The following PEX2 variants were observed in gnomAD, a reference collection of about 807,000 sequenced individuals.
The protein encoded by PEX2 is peroxisomal biogenesis factor 2.
Under a neutral mutation model 25.2 loss-of-function variants are expected in PEX2, and 19 were observed. The ratio of observed to expected loss-of-function variants is 0.75; its 90% CI spans 0.53 to 1.10. PEX2 has a LOEUF of 1.10. Ranked by LOEUF, PEX2 falls within the 50% of genes least tolerant of loss-of-function variation. The pLI is 0.00. For synonymous variants in PEX2, 141 were observed against 127.7 expected, an observed-to-expected ratio of 1.10 and a Z score of -0.70; for missense variants, 347 against 350.6, an observed-to-expected ratio of 0.99 and a Z score of 0.08.
intron 1 of PEX2, among the ~76,000 whole-genome samples, chr8:76,997,308 C>A (rs958334833): frequency 6.6e-6 from 1 of 152,198 alleles, no homozygotes; most frequent in African/African-American, 2.4e-5. Context: ...CCAACTCATT[C>A]ATCTAACACT....
intron 1 of PEX2, among the ~76,000 whole-genome samples, chr8:76,991,315 T>C (rs1807163752): frequency 6.6e-6 from 1 of 152,138 alleles, no homozygotes; most frequent in African/African-American, 2.4e-5. Context: ...TTAACAATAT[T>C]TATTATCAAA....
In PEX2 at chr8:76,982,099, TA is replaced by T. The variant is rs1806846871; in HGVS notation, c.*1161del. On this transcript the variant is annotated 3_prime_UTR_variant, in exon 4 of 4. Transcript: ENST00000357039. ...AGCAAGATGTTTATTTAAAAACATT[TA>T]AAAACTGTTTTTTAAAAAACATTCT... is the stretch of plus-strand genomic sequence containing the variant. 1 of 152,222 alleles carries T rather than the reference TA, an allele frequency of 6.6e-6. No homozygotes were observed. Among genetic ancestry groups the T allele is most frequent in the Non-Finnish European group, 1.5e-5 (1 of 68,036 alleles). 9.4% of individuals were successfully genotyped at this position (152,222 alleles called of 1,614,324 possible). A position where few individuals can be genotyped will look rare whatever the true frequency, so the allele number is the denominator to read the frequency against.
upstream of PEX2, chr8:77,000,192 G>A: frequency 3.5e-6 from 1 of 284,290 alleles, no homozygotes; most frequent in Non-Finnish European, 7.0e-6. Context: ...CGCTGCTGAA[G>A]GCACTGGATG....
Position 76,982,750 on chromosome 8 carries a change from AGT to A in PEX2, c.*509_*510del, listed in dbSNP as rs1806874755. 6.3e-6 allele frequency: 1 copy of A among 158,186 alleles called. No homozygotes were observed. The highest frequency in any genetic ancestry group is 1.4e-5 in the Non-Finnish European group (1 of 72,396). 9.8% of individuals were successfully genotyped at this position (158,186 alleles called of 1,614,324 possible). On this transcript the variant is annotated 3_prime_UTR_variant, in exon 4 of 4. Transcript: ENST00000357039. Reference sequence around the variant, plus strand: ...CTTGAACCCGGGAGGCGGACGTTGCAGTGAGCAGAGATCGCGCCACTGCACTC... The same window carrying A: ...CTTGAACCCGGGAGGCGGACGTTGCAGAGCAGAGATCGCGCCACTGCACTC...
intron 2 of PEX2, 152 bp downstream of exon 2, chr8:76,988,155 T>C (rs1026569467): frequency 4.6e-5 from 7 of 152,258 alleles, no homozygotes; most frequent in African/African-American, 1.7e-4. Flanking sequence ...CTAACAGATA[T>C]ATGTGTCTAT....
upstream of PEX2, chr8:77,000,787 C>T (rs1385340261): frequency 1.3e-5 from 2 of 152,438 alleles, no homozygotes; most frequent in African/African-American, 2.4e-5. Flanking sequence ...CTCACATCTC[C>T]CCGGTAACGC....
At chr8:76,989,239 AG>A (rs1807094018) in intron 1 of PEX2, among the ~76,000 whole-genome samples, 1 of 151,830 alleles carries the variant, frequency 6.6e-6, no homozygotes, top group Admixed American at 6.6e-5. Context: ...ATGAGATTGT[AG>A]CAAATCAGTC....
At position 76,983,213 on chromosome 8, in the gene PEX2, A is replaced by T; in HGVS notation, c.*48T>A. ...TATACTTAGGATGACTAATATTAAG[A>T]ATTTAAACACGGTGCATTTTTTTCC... On this transcript the variant is annotated 3_prime_UTR_variant, in exon 4 of 4. Coordinates refer to ENST00000357039, the MANE Select transcript of PEX2 (RefSeq NM_000318.3). 3.1e-6 allele frequency: 5 copies of T among 1,602,858 alleles called. No individual in the cohort carries two copies. Among genetic ancestry groups the T allele is most frequent in the Non-Finnish European group, 3.4e-6 (4 of 1,179,714 alleles).
At chr8:76,986,723 T>A (rs970947008) in intron 2 of PEX2, among the ~76,000 whole-genome samples, 3 of 152,200 alleles carry the variant, frequency 2.0e-5, no homozygotes, top group African/African-American at 4.8e-5. Context: ...GGCTCAGACA[T>A]CACTTCCTGC....
At chr8:76,999,600 C>T (rs1265519241) in intron 1 of PEX2, among the ~76,000 whole-genome samples, 1 of 152,146 alleles carries the variant, frequency 6.6e-6, no homozygotes, top group Non-Finnish European at 1.5e-5. Flanking sequence ...TTTACATGAA[C>T]TTTCAGATAT....
chr8:76,996,082 C>A (rs1807320622), intron 1 of PEX2, among the ~76,000 whole-genome samples: 1 of 152,088 alleles, frequency 6.6e-6, no homozygotes, highest in Non-Finnish European at 1.5e-5. Context: ...GAGCAGGACA[C>A]AGGAGACAGA....
chr8:77,000,047 A>T lies in PEX2; in HGVS notation c.-217T>A, dbSNP rs1413103114. 2 of 440,292 alleles carry T rather than the reference A, an allele frequency of 4.5e-6. No individual in the cohort carries two copies. The highest frequency in any genetic ancestry group is 1.6e-5 in the South Asian group (1 of 62,172). 27.3% of individuals were successfully genotyped at this position (440,292 alleles called of 1,614,324 possible). On this transcript the variant is annotated 5_prime_UTR_variant, in exon 1 of 4. Coordinates refer to ENST00000357039, the MANE Select transcript of PEX2 (RefSeq NM_000318.3). ...TAACTTTCTCTGAAACATTCTCTGG[A>T]AAGCTTGTCTTTTCCTAGCCGAATC... is the stretch of plus-strand genomic sequence containing the variant.
At chr8:76,995,843 A>C (rs966174910) in intron 1 of PEX2, among the ~76,000 whole-genome samples, 1 of 152,156 alleles carries the variant, frequency 6.6e-6, no homozygotes, top group Non-Finnish European at 1.5e-5. Context: ...TCTGTATTCT[A>C]GCCCAGGTTC....
intron 1 of PEX2, among the ~76,000 whole-genome samples, chr8:76,990,546 C>T (rs1314600295): frequency 2.0e-5 from 3 of 152,156 alleles, no homozygotes; most frequent in Admixed American, 1.3e-4. Context: ...CTTCCTTTCA[C>T]TTGAACACTT....
chr8:76,999,589 C>T (rs1807434515), intron 1 of PEX2, among the ~76,000 whole-genome samples: 3 of 152,192 alleles, frequency 2.0e-5, no homozygotes, highest in Non-Finnish European at 4.4e-5. Context: ...ACATATAACA[C>T]TTTACATGAA....
upstream of PEX2, chr8:77,000,106 C>G: frequency 2.7e-6 from 1 of 376,604 alleles, no homozygotes; most frequent in Non-Finnish European, 5.2e-6. Context: ...TCGCAGGCTT[C>G]CGGAGCGACG....
chr8:76,999,194 G>C (rs1205640168), intron 1 of PEX2, among the ~76,000 whole-genome samples: 1 of 152,096 alleles, frequency 6.6e-6, no homozygotes, highest in Non-Finnish European at 1.5e-5. Context: ...GGTGTTGTGA[G>C]CGCCCAAGTA....
chr8:76,982,113 T>C lies in PEX2; in HGVS notation c.*1148A>G, dbSNP rs1269927348. On this transcript the variant is annotated 3_prime_UTR_variant, in exon 4 of 4. Coordinates refer to ENST00000357039, the MANE Select transcript of PEX2 (RefSeq NM_000318.3). ...TTAAAAACATTTAAAAACTGTTTTT[T>C]AAAAAACATTCTAGTTAAGACGAGA... 2 of 152,202 alleles carry C rather than the reference T, an allele frequency of 1.3e-5. No individual in the cohort carries two copies. The highest frequency in any genetic ancestry group is 4.8e-5 in the African/African-American group (2 of 41,448). The allele number at this position is 152,202 out of a possible 1,614,324, so 9.4% of individuals were successfully genotyped here. A position where few individuals can be genotyped will look rare whatever the true frequency, so the allele number is the denominator to read the frequency against.
intron 1 of PEX2, among the ~76,000 whole-genome samples, chr8:76,999,432 T>C (rs1807429256): frequency 6.6e-6 from 1 of 152,206 alleles, no homozygotes; most frequent in Non-Finnish European, 1.5e-5. Flanking sequence ...AGATTTCTTA[T>C]CAAAAGTCAA....
Sources: allele counts gnomAD v4.1 joint callset (sites outside exome capture counted in the v4.1 genomes callset), GRCh38; gene constraint gnomAD v4.1.1; transcripts MANE v1.5; gene names NCBI Gene and HGNC (gene_info 2026-07-23, HGNC 2026-07-21).